SCPPPQ1: variants seen among roughly 807,000 people sequenced by gnomAD.
SCPPPQ1 encodes secretory calcium-binding phosphoprotein proline-glutamine rich 1.
chr4:87,462,477 CT>C, the SCPPPQ1 span, among the ~76,000 whole-genome samples: 1 of 26,200 alleles, frequency 3.8e-5, no homozygotes, highest in African/African-American at 1.1e-4. Flanking sequence ...CCACGTTTTT[CT>C]TTCTTTCTTT....
the SCPPPQ1 span, among the ~76,000 whole-genome samples, chr4:87,464,576 C>T: frequency 5.9e-5 from 9 of 152,230 alleles, no homozygotes; most frequent in African/African-American, 1.4e-4. Context: ...TGGTGGCTCA[C>T]GCCTGTAATA....
At chr4:87,466,351 C>G in the SCPPPQ1 span, among the ~76,000 whole-genome samples, 1 of 152,014 alleles carries the variant, frequency 6.6e-6, no homozygotes, top group Non-Finnish European at 1.5e-5. Flanking sequence ...GCCTGGGCAA[C>G]AGAGAGAGAC....
At chr4:87,467,237 C>T in the SCPPPQ1 span, among the ~76,000 whole-genome samples, 1 of 152,176 alleles carries the variant, frequency 6.6e-6, no homozygotes, top group Non-Finnish European at 1.5e-5. Flanking sequence ...CTCAAGCACT[C>T]ACCGTTGACT....
the SCPPPQ1 span, among the ~76,000 whole-genome samples, chr4:87,469,065 T>G: frequency 6.6e-6 from 1 of 152,234 alleles, no homozygotes. Flanking sequence ...ATCTTAAATA[T>G]TTCCTTCTTT....
At chr4:87,468,911 T>C in the SCPPPQ1 span, among the ~76,000 whole-genome samples, 1 of 152,388 alleles carries the variant, frequency 6.6e-6, no homozygotes, top group Middle Eastern at 3.4e-3. Flanking sequence ...AGGTTTGTTA[T>C]CAAGGGCACT....
At chr4:87,461,320 T>C in the SCPPPQ1 span, among the ~76,000 whole-genome samples, 3 of 152,220 alleles carry the variant, frequency 2.0e-5, no homozygotes, top group African/African-American at 7.2e-5. Flanking sequence ...AGCTATTCTG[T>C]CTGTTGTATT....
the SCPPPQ1 span, among the ~76,000 whole-genome samples, chr4:87,467,607 A>AG: frequency 3.3e-5 from 5 of 152,224 alleles, no homozygotes; most frequent in African/African-American, 1.2e-4. Context: ...ACACTGCGAG[A>AG]GGGCACTGAA....
the SCPPPQ1 span, among the ~76,000 whole-genome samples, chr4:87,464,364 A>C: frequency 6.7e-6 from 1 of 149,794 alleles, no homozygotes. Flanking sequence ...TATTTTAAGT[A>C]CCCCCCCCCA....
the SCPPPQ1 span, among the ~76,000 whole-genome samples, chr4:87,464,371 C>T: frequency 6.6e-6 from 1 of 151,930 alleles, no homozygotes; most frequent in African/African-American, 2.4e-5. Flanking sequence ...AGTACCCCCC[C>T]CCAACCCCAA....
chr4:87,469,769 T>C, the SCPPPQ1 span, among the ~76,000 whole-genome samples: 283 of 152,234 alleles, frequency 1.9e-3, 1 homozygote, highest in Non-Finnish European at 3.2e-3. Flanking sequence ...CCTCCAAACA[T>C]AGGTTTTGTA....
chr4:87,465,606 CTG>C, the SCPPPQ1 span, among the ~76,000 whole-genome samples: 2 of 128,734 alleles, frequency 1.6e-5, no homozygotes, highest in Non-Finnish European at 1.6e-5. Context: ...GTGAATGAAA[CTG>C]TGAACACTCT....
the SCPPPQ1 span, among the ~76,000 whole-genome samples, chr4:87,466,999 C>G: frequency 1.3e-5 from 2 of 152,104 alleles, no homozygotes; most frequent in Non-Finnish European, 2.9e-5. Context: ...ATTTTCTACC[C>G]GCAAATTGCC....
the SCPPPQ1 span, among the ~76,000 whole-genome samples, chr4:87,464,077 G>C: frequency 3.3e-5 from 5 of 152,094 alleles, no homozygotes; most frequent in African/African-American, 1.2e-4. Flanking sequence ...GTTCTGTTAG[G>C]GTGCCTTTCT....
At chr4:87,468,700 C>CT in the SCPPPQ1 span, among the ~76,000 whole-genome samples, 1 of 152,210 alleles carries the variant, frequency 6.6e-6, no homozygotes, top group African/African-American at 2.4e-5. Flanking sequence ...TGCCGTGACA[C>CT]TTTATCAAAT....
chr4:87,462,768 C>T, the SCPPPQ1 span, among the ~76,000 whole-genome samples: 30 of 152,084 alleles, frequency 2.0e-4, no homozygotes, highest in Non-Finnish European at 4.3e-4. Flanking sequence ...GAGGCTGAAG[C>T]GGGTGGATCT....
chr4:87,464,985 CA>C, the SCPPPQ1 span, among the ~76,000 whole-genome samples: 1 of 152,140 alleles, frequency 6.6e-6, no homozygotes, highest in East Asian at 1.9e-4. Context: ...AAAATTTAAG[CA>C]ATTCCTTTAT....
chr4:87,468,580 A>G, the SCPPPQ1 span, among the ~76,000 whole-genome samples: 1 of 152,312 alleles, frequency 6.6e-6, no homozygotes, highest in African/African-American at 2.4e-5. Context: ...ATATAGGTGA[A>G]GTTAATGATG....
chr4:87,469,899 G>A, the SCPPPQ1 span, among the ~76,000 whole-genome samples: 1 of 148,982 alleles, frequency 6.7e-6, no homozygotes, highest in Non-Finnish European at 1.5e-5. Context: ...CCTATACACT[G>A]TACATGTTTG....
chr4:87,470,131 A>T, the SCPPPQ1 span, among the ~76,000 whole-genome samples: 2 of 151,546 alleles, frequency 1.3e-5, no homozygotes, highest in Non-Finnish European at 2.9e-5. Flanking sequence ...TTTTAAAAAA[A>T]TTTTCTTAGA....
Sources: gnomAD v4.1 joint callset for allele counts (sites outside exome capture counted in the v4.1 genomes callset) on GRCh38, gnomAD v4.1.1 for gene constraint, MANE v1.5 for transcripts, NCBI Gene and HGNC (gene_info 2026-07-23, HGNC 2026-07-21) for gene names.